The following CASC3 variants were observed in gnomAD, a reference collection of about 807,000 sequenced individuals.
CASC3 encodes the protein CASC3 exon junction complex subunit, also known as protein CASC3.
A neutral mutation model predicts 80.5 loss-of-function variants in CASC3; 30 were observed. The ratio of observed to expected loss-of-function variants is 0.37; its 90% CI spans 0.28 to 0.51. The LOEUF (loss-of-function observed/expected upper bound fraction) is 0.51, where lower values mean the gene tolerates loss of function less well. CASC3 is among the 20% of genes least tolerant of loss of function. The pLI, the probability that CASC3 is intolerant of heterozygous loss-of-function variation, is 0.94. For missense variants in CASC3, 824 were observed against 922.2 expected (o/e 0.89, Z 1.38); for synonymous variants, 312 against 333.6 (o/e 0.94, Z 0.70).
chr17:40,160,851 G>A (rs1251654215), intron 3 of CASC3, among the ~76,000 whole-genome samples: 1 of 151,998 alleles, frequency 6.6e-6, no homozygotes. Flanking sequence ...GATTACAGGT[G>A]TAAGCCACTG....
chr17:40,164,045 C>T lies in CASC3; in HGVS notation c.1350C>T (p.Thr450=), dbSNP rs756575037. 16 of 1,613,796 alleles carry T rather than the reference C, an allele frequency of 9.9e-6. No homozygotes were observed. Among genetic ancestry groups the T allele is most frequent in the Non-Finnish European group, 1.4e-5 (16 of 1,180,026 alleles). Residue 450 remains threonine, a synonymous_variant, in exon 7 of 14, where the codon ACC becomes ACT. Transcript: ENST00000264645. Reference sequence around the variant, plus strand: ...CAACTCCACCTACTAAGACTGGGACCTGGGAAGCTCCGGTGGATTCTAGTA... The same window carrying T: ...CAACTCCACCTACTAAGACTGGGACTTGGGAAGCTCCGGTGGATTCTAGTA... ...TTPTPPTKTG[T]WEAPVDSSTS...
At chr17:40,165,212 C>T (rs574028333) in intron 7 of CASC3, among the ~76,000 whole-genome samples, 18 of 151,106 alleles carry the variant, frequency 1.2e-4, no homozygotes, top group African/African-American at 2.9e-4. Flanking sequence ...CATGAGCCAC[C>T]GTGCCTGGCC....
chr17:40,143,108 TAAAAG>T (rs1267495567), intron 3 of CASC3, among the ~76,000 whole-genome samples: 2 of 146,258 alleles, frequency 1.4e-5, no homozygotes, highest in South Asian at 4.3e-4. Flanking sequence ...AATAAATAAA[TAAAAG>T]AAAGGCTGTA....
chr17:40,140,676 G>C lies in CASC3; in HGVS notation c.128G>C (p.Gly43Ala). ...GGSCSGSAGG[G>A]GSGSLPSQRG... The stretch of plus-strand genomic sequence containing the variant: ...AGCTGCAGCGGTAGCGCCGGAGGCG[G>C]CGGCAGCGGCTCTCTGCCTTCACAG... The change falls in exon 1 of 14, where the codon GGC (glycine) becomes GCC (alanine). Residue 43 changes from glycine to alanine, a missense_variant. Transcript: ENST00000264645. 6.2e-7 allele frequency: 1 copy of C among 1,600,290 alleles called. No individual in the cohort carries two copies.
In CASC3 at chr17:40,168,342, T is replaced by C. The variant is rs1415115980; in HGVS notation, c.1890T>C (p.Phe630=). 1.2e-6 allele frequency: 2 copies of C among 1,614,168 alleles called. No individual in the cohort carries two copies. Among genetic ancestry groups the C allele is most frequent in the East Asian group, 2.2e-5 (1 of 44,886 alleles). Residue 630 remains phenylalanine, a synonymous_variant, in exon 11 of 14, where the codon TTT becomes TTC. Transcript: ENST00000264645. ...TTTCTGCTCCAGGCGTCATGAACTT[T>C]GGTAATCCCAGTTACCCTTATGCTC... ...TYFSAPGVMN[F]GNPSYPYAPG...
At chr17:40,164,639 GT>G (rs1310281777) in intron 7 of CASC3, among the ~76,000 whole-genome samples, 1 of 150,844 alleles carries the variant, frequency 6.6e-6, no homozygotes, top group African/African-American at 2.4e-5. Context: ...TAGAGACCGG[GT>G]TTCACCATGT....
At chr17:40,141,009 G>T (rs914083993) in intron 1 of CASC3, 198 bp from the exon 2 acceptor site, 43 of 637,512 alleles carry the variant, frequency 6.7e-5, no homozygotes, top group Non-Finnish European at 1.1e-4. Context: ...ATGGAAAGCG[G>T]ATGTTTTATT....
At position 40,163,657 on chromosome 17, in the gene CASC3, A is replaced by G. The variant is rs753304836; in HGVS notation, c.962A>G (p.Glu321Gly). 12 of 1,614,038 alleles carry G rather than the reference A, an allele frequency of 7.4e-6. No individual in the cohort carries two copies. Among genetic ancestry groups the G allele is most frequent in the Non-Finnish European group, 1.0e-5 (12 of 1,180,004 alleles). Reference sequence around the variant, plus strand: ...TATTCTCGATCTGGGGGCTTCAAGGAAGGTCGTGCTGGTTTTAGGCCTGTG... The same window carrying G: ...TATTCTCGATCTGGGGGCTTCAAGGGAGGTCGTGCTGGTTTTAGGCCTGTG... ...RNYSRSGGFK[E>G]GRAGFRPVEA... Residue 321 changes from glutamate (E) to glycine (G), a missense_variant, in exon 7 of 14, where the codon GAA (glutamate) becomes GGA (glycine). Around this residue, in one of 3 missense-constraint regions of CASC3, gnomAD observed 464 missense variants for 506.0 expected, o/e 0.92. Coordinates refer to ENST00000264645, the MANE Select transcript of CASC3 (RefSeq NM_007359.5).
chr17:40,163,087 T>C (rs1598429281), intron 6 of CASC3, among the ~76,000 whole-genome samples, 186 bp downstream of exon 6: 2 of 150,184 alleles, frequency 1.3e-5, no homozygotes, highest in South Asian at 4.2e-4. Context: ...AAAAAAAAAA[T>C]AGAGTGTAGA....
At chr17:40,167,771 T>C (rs1598431920) in intron 9 of CASC3, 79 bp from the exon 10 acceptor site, 12 of 1,396,492 alleles carry the variant, frequency 8.6e-6, no homozygotes, top group East Asian at 2.3e-5. Flanking sequence ...AGAACATCTT[T>C]TAAAGGGCTT....
chr17:40,166,660 A>G (rs1261034358), intron 7 of CASC3, 137 bp from the exon 8 acceptor site: 1 of 547,788 alleles, frequency 1.8e-6, no homozygotes, highest in Non-Finnish European at 3.2e-6. Flanking sequence ...AAGCAGAGAT[A>G]GTTTATAGAG....
intron 13 of CASC3, among the ~76,000 whole-genome samples, chr17:40,170,047 C>T (rs1391151543): frequency 1.3e-5 from 2 of 152,118 alleles, no homozygotes; most frequent in Non-Finnish European, 2.9e-5. Flanking sequence ...TGAGCCACCC[C>T]ACCCAGCCTC....
intron 8 of CASC3, 179 bp from the exon 9 acceptor site, chr17:40,167,319 G>A: frequency 1.7e-6 from 1 of 594,248 alleles, no homozygotes; most frequent in Non-Finnish European, 3.0e-6. Context: ...TCTCCTAAAT[G>A]TAAGGTAGAA....
chr17:40,168,448 A>T lies in CASC3; in HGVS notation c.1965+31A>T, dbSNP rs748835209. On this transcript the variant is annotated intron_variant, in intron 11 of 13. Coordinates refer to ENST00000264645, the MANE Select transcript of CASC3 (RefSeq NM_007359.5). ...ATGGCTAATGATCATGTTTTTCTAG[A>T]TACACATTCTTTAATTCAGACAGGA... 1.6e-5 allele frequency: 25 copies of T among 1,579,542 alleles called. No homozygotes were observed. The South Asian group carries it at 2.7e-4, about 17-fold the overall frequency.
chr17:40,153,145 A>G (rs1160016361), intron 3 of CASC3, among the ~76,000 whole-genome samples: 1 of 152,156 alleles, frequency 6.6e-6, no homozygotes, highest in Non-Finnish European at 1.5e-5. Context: ...GAAGTTTTAT[A>G]TCCTTTTACC....
chr17:40,143,759 G>A (rs1446909389), intron 3 of CASC3, among the ~76,000 whole-genome samples: 2 of 151,962 alleles, frequency 1.3e-5, no homozygotes, highest in Non-Finnish European at 2.9e-5. Flanking sequence ...GAATCCGGGA[G>A]GCAGAGGTTG....
intron 3 of CASC3, among the ~76,000 whole-genome samples, chr17:40,148,533 G>C (rs745358098): frequency 6.6e-6 from 1 of 152,016 alleles, no homozygotes; most frequent in Non-Finnish European, 1.5e-5. Context: ...GCTAATTTTT[G>C]TATTTTTAGT....
At chr17:40,150,452 C>G (rs979569773) in intron 3 of CASC3, among the ~76,000 whole-genome samples, 1 of 149,928 alleles carries the variant, frequency 6.7e-6, no homozygotes, top group Non-Finnish European at 1.5e-5. Flanking sequence ...GTGTAACCCC[C>G]TTTGGCAATG....
intron 7 of CASC3, among the ~76,000 whole-genome samples, chr17:40,165,670 C>T (rs1989429678): frequency 6.6e-6 from 1 of 151,920 alleles, no homozygotes; most frequent in Non-Finnish European, 1.5e-5. Context: ...CCTTAATCTT[C>T]TAGAGACAGA....
Sources: gnomAD v4.1 joint callset for allele counts (sites outside exome capture counted in the v4.1 genomes callset) on GRCh38, gnomAD v4.1.1 for gene constraint, gnomAD v4.1.1 regional missense constraint, MANE v1.5 for transcripts, NCBI Gene and HGNC (gene_info 2026-07-23, HGNC 2026-07-21) for gene names.